The following KHDRBS2 variants were observed in gnomAD, a reference collection of about 807,000 sequenced individuals.
KHDRBS2 encodes the protein KH domain-containing, RNA-binding, signal transduction-associated protein 2.
A neutral mutation model predicts 44.3 loss-of-function variants in KHDRBS2; 26 were observed. That is an observed-to-expected ratio of 0.59 (90% confidence interval 0.43 to 0.81). The LOEUF (loss-of-function observed/expected upper bound fraction) is 0.81. KHDRBS2 is among the 40% of genes least tolerant of loss of function. KHDRBS2 has a pLI of 0.00. For synonymous variants in KHDRBS2, 194 were observed against 151.1 expected, an observed-to-expected ratio of 1.28 and a Z score of -2.08; for missense variants, 476 against 433.1, an observed-to-expected ratio of 1.10 and a Z score of -0.88.
chr6:62,215,538 A>G (rs1829835065), intron 1 of KHDRBS2, among the ~76,000 whole-genome samples: 2 of 152,004 alleles, frequency 1.3e-5, no homozygotes, highest in Admixed American at 1.3e-4. Flanking sequence ...GACATTGTGA[A>G]GATGCCAGCC....
At chr6:61,654,854 A>C in the KHDRBS2 span, among the ~76,000 whole-genome samples, 8 of 151,694 alleles carry the variant, frequency 5.3e-5, no homozygotes, top group South Asian at 2.1e-4. Flanking sequence ...AGAGTGGGGA[A>C]AAGATACAGC....
chr6:62,080,005 T>C (rs923843674), intron 2 of KHDRBS2, among the ~76,000 whole-genome samples: 45 of 152,064 alleles, frequency 3.0e-4, no homozygotes, highest in South Asian at 8.3e-4. Flanking sequence ...AGTTATAAAA[T>C]GTACAATGTT....
chr6:62,064,865 T>C (rs2127334251), intron 2 of KHDRBS2, among the ~76,000 whole-genome samples: 1 of 148,768 alleles, frequency 6.7e-6, no homozygotes, highest in South Asian at 2.1e-4. Context: ...TGGGAGAAAA[T>C]TTTCGCAACC....
intron 6 of KHDRBS2, among the ~76,000 whole-genome samples, chr6:61,808,648 T>G (rs1448115651): frequency 6.6e-6 from 1 of 152,060 alleles, no homozygotes; most frequent in Non-Finnish European, 1.5e-5. Context: ...AAGTGAGAAA[T>G]GAATGTTTTA....
chr6:62,180,092 A>G lies in KHDRBS2; in HGVS notation c.92-2780T>C, dbSNP rs377442988. On this transcript the variant is annotated intron_variant, in intron 1 of 8. Transcript: ENST00000281156. Reference sequence around the variant, plus strand: ...GTAAACCATCATCCTCAGCAAACTAACACAAGAACAGAAAACCAAACACTA... The same window carrying G: ...GTAAACCATCATCCTCAGCAAACTAGCACAAGAACAGAAAACCAAACACTA... 2.6e-5 allele frequency among the ~76,000 whole-genome samples: 4 copies of G among 151,950 alleles called. No individual in the cohort carries two copies. In the East Asian group the frequency reaches 7.7e-4, roughly 29 times the overall value.
At chr6:61,601,246 G>T in the KHDRBS2 span, among the ~76,000 whole-genome samples, 1 of 151,798 alleles carries the variant, frequency 6.6e-6, no homozygotes, top group Non-Finnish European at 1.5e-5. Context: ...ACTTTCCTGG[G>T]GGGCAGGCAC....
intron 2 of KHDRBS2, among the ~76,000 whole-genome samples, chr6:62,118,521 C>T (rs1369865875): frequency 6.6e-6 from 1 of 152,040 alleles, no homozygotes; most frequent in East Asian, 1.9e-4. Context: ...TTCAATGTTT[C>T]TTAAAATACC....
intron 3 of KHDRBS2, among the ~76,000 whole-genome samples, chr6:62,014,562 T>G (rs1304873560): frequency 6.6e-6 from 1 of 152,140 alleles, no homozygotes; most frequent in African/African-American, 2.4e-5. Flanking sequence ...ACAGTACAAG[T>G]GTCAGAATAA....
At chr6:61,963,150 A>T (rs1384330615) in intron 4 of KHDRBS2, among the ~76,000 whole-genome samples, 4 of 152,140 alleles carry the variant, frequency 2.6e-5, no homozygotes, top group African/African-American at 9.7e-5. Flanking sequence ...CAAAGCAAAT[A>T]ATATTCCAAT....
intron 6 of KHDRBS2, among the ~76,000 whole-genome samples, chr6:61,871,207 G>C (rs1798610144): frequency 6.6e-6 from 1 of 152,134 alleles, no homozygotes; most frequent in African/African-American, 2.4e-5. Context: ...ACTTCGTCAA[G>C]CATACACAAG....
At chr6:61,561,542 G>T in the KHDRBS2 span, among the ~76,000 whole-genome samples, 1 of 152,074 alleles carries the variant, frequency 6.6e-6, no homozygotes, top group Non-Finnish European at 1.5e-5. Context: ...CTGCAGCTTA[G>T]CTGGTACCCA....
chr6:61,572,363 T>G, the KHDRBS2 span, among the ~76,000 whole-genome samples: 1 of 152,070 alleles, frequency 6.6e-6, no homozygotes, highest in Non-Finnish European at 1.5e-5. Context: ...CAGGACCAGA[T>G]GGATGCACAG....
chr6:62,062,702 C>A (rs1226729137), intron 2 of KHDRBS2, among the ~76,000 whole-genome samples: 2 of 148,212 alleles, frequency 1.3e-5, no homozygotes, highest in African/African-American at 5.0e-5. Context: ...GACACCCTAA[C>A]ATCACAATTA....
intron 6 of KHDRBS2, among the ~76,000 whole-genome samples, chr6:61,871,998 T>G (rs1345474525): frequency 6.6e-6 from 1 of 151,770 alleles, no homozygotes; most frequent in Non-Finnish European, 1.5e-5. Context: ...ATGTAGGTGA[T>G]GGGTTGATGG....
chr6:62,114,142 T>G (rs953763423), intron 2 of KHDRBS2, among the ~76,000 whole-genome samples: 10 of 152,072 alleles, frequency 6.6e-5, no homozygotes, highest in Non-Finnish European at 7.4e-5. Context: ...ACTTACGTCC[T>G]ACTAGGTCCC....
At chr6:62,068,204 G>T (rs1304979172) in intron 2 of KHDRBS2, among the ~76,000 whole-genome samples, 1 of 151,438 alleles carries the variant, frequency 6.6e-6, no homozygotes, top group Admixed American at 6.6e-5. Flanking sequence ...ACTTGTAATT[G>T]TTTGTTTTTG....
In KHDRBS2 at chr6:62,053,332, C is replaced by T. The variant is rs192753988; in HGVS notation, c.220-5338G>A. Among the ~76,000 whole-genome samples the T allele has an allele frequency of 2.0e-3, 299 of 151,162 alleles. 1 individual carries two copies. The highest frequency in any genetic ancestry group is 7.0e-3 in the African/African-American group (288 of 41,234). Reference sequence around the variant, plus strand: ...CAAAACCAAATCAGAAAAGGAAATGCATAGACCAAAGCCACTCATAAAAGA... The same window carrying T: ...CAAAACCAAATCAGAAAAGGAAATGTATAGACCAAAGCCACTCATAAAAGA... On this transcript the variant is annotated intron_variant, in intron 2 of 8. Transcript: ENST00000281156.
chr6:62,132,880 G>C (rs1810656666), intron 2 of KHDRBS2, among the ~76,000 whole-genome samples: 1 of 152,110 alleles, frequency 6.6e-6, no homozygotes, highest in Non-Finnish European at 1.5e-5. Context: ...TTTTAAATCA[G>C]ATCAACATGG....
chr6:61,552,142 A>T, the KHDRBS2 span, among the ~76,000 whole-genome samples: 1 of 152,130 alleles, frequency 6.6e-6, no homozygotes, highest in Non-Finnish European at 1.5e-5. Flanking sequence ...CCTCCTGTAC[A>T]TGAGCATGGC....
Sources: allele counts gnomAD v4.1 joint callset (sites outside exome capture counted in the v4.1 genomes callset), GRCh38; gene constraint gnomAD v4.1.1; transcripts MANE v1.5; gene names NCBI Gene and HGNC (gene_info 2026-07-23, HGNC 2026-07-21).